The following KCNQ5 variants were observed in gnomAD, a reference collection of about 807,000 sequenced individuals.
KCNQ5 encodes potassium voltage-gated channel subfamily KQT member 5.
In KCNQ5, 30 loss-of-function variants were observed where a neutral mutation model predicts 98.2. The observed-to-expected ratio is 0.31, with a 90% CI of 0.23 to 0.41. The LOEUF is 0.41. KCNQ5 is among the 10% of genes least tolerant of loss of function. KCNQ5 has a pLI of 1.00. For synonymous variants in KCNQ5, 458 were observed against 449.4 expected (o/e 1.02, Z -0.24); for missense variants, 835 against 1,182.5 (o/e 0.71, Z 4.31).
chr6:72,825,095 G>A (rs1775931325), intron 1 of KCNQ5, among the ~76,000 whole-genome samples: 1 of 151,748 alleles, frequency 6.6e-6, no homozygotes, highest in Admixed American at 6.6e-5. Context: ...ACTGCCAGAT[G>A]ACTTTTGCTC....
chr6:72,961,398 A>T (rs1767342298), intron 1 of KCNQ5, among the ~76,000 whole-genome samples: 1 of 151,628 alleles, frequency 6.6e-6, no homozygotes, highest in Admixed American at 6.6e-5. Flanking sequence ...CGGGCGGATC[A>T]CGAGGTCAGG....
intron 1 of KCNQ5, among the ~76,000 whole-genome samples, chr6:72,785,067 G>A (rs1006045940): frequency 2.6e-5 from 4 of 152,162 alleles, no homozygotes; most frequent in South Asian, 2.1e-4. Context: ...AACCAAAAGC[G>A]ATTGACCAAC....
intron 12 of KCNQ5, among the ~76,000 whole-genome samples, chr6:73,191,487 T>A (rs1009406700): frequency 2.2e-4 from 33 of 152,324 alleles, no homozygotes; most frequent in Non-Finnish European, 4.4e-4. Context: ...AAATTCAGTT[T>A]TTTAAGAGCC....
chr6:72,761,620 A>G (rs1162796650), intron 1 of KCNQ5, among the ~76,000 whole-genome samples: 1 of 151,878 alleles, frequency 6.6e-6, no homozygotes, highest in East Asian at 1.9e-4. Flanking sequence ...TTCTATAATT[A>G]TGAAATAATA....
At chr6:73,002,115 G>A (rs1769605099) in intron 1 of KCNQ5, among the ~76,000 whole-genome samples, 1 of 152,096 alleles carries the variant, frequency 6.6e-6, no homozygotes, top group Non-Finnish European at 1.5e-5. Context: ...GGTCAACAGA[G>A]GAAGACCCTA....
chr6:73,131,675 G>T (rs948614725), intron 9 of KCNQ5, among the ~76,000 whole-genome samples: 6 of 152,024 alleles, frequency 3.9e-5, no homozygotes, highest in Non-Finnish European at 8.8e-5. Flanking sequence ...ATAATTGAAG[G>T]CTTTGGGATG....
chr6:73,141,895 T>C (rs531829150), intron 10 of KCNQ5, among the ~76,000 whole-genome samples: 13 of 152,338 alleles, frequency 8.5e-5, no homozygotes, highest in Admixed American at 7.2e-4. Flanking sequence ...ATACTTATAA[T>C]CTCACAGTTT....
intron 1 of KCNQ5, among the ~76,000 whole-genome samples, chr6:72,660,585 A>G (rs547279894): frequency 6.6e-6 from 1 of 152,136 alleles, no homozygotes; most frequent in Non-Finnish European, 1.5e-5. Context: ...CTTGACATTG[A>G]TGGTCCCAGC....
intron 1 of KCNQ5, among the ~76,000 whole-genome samples, chr6:72,821,207 T>G (rs995463772): frequency 6.6e-6 from 1 of 152,164 alleles, no homozygotes; most frequent in African/African-American, 2.4e-5. Context: ...TTTGGCCTAG[T>G]CACCCAACAT....
intron 1 of KCNQ5, among the ~76,000 whole-genome samples, chr6:72,898,005 A>G (rs1220201537): frequency 3.3e-5 from 5 of 152,242 alleles, no homozygotes; most frequent in African/African-American, 7.2e-5. Flanking sequence ...TATTTTGTTC[A>G]TCTTCCATGA....
intron 1 of KCNQ5, among the ~76,000 whole-genome samples, chr6:72,724,670 A>G (rs754677113): frequency 6.6e-6 from 1 of 152,196 alleles, no homozygotes; most frequent in Non-Finnish European, 1.5e-5. Context: ...TGAGAGATTT[A>G]TGCCCCTTGT....
At chr6:72,840,638 T>C (rs543467322) in intron 1 of KCNQ5, among the ~76,000 whole-genome samples, 110 of 152,342 alleles carry the variant, frequency 7.2e-4, no homozygotes, top group Non-Finnish European at 1.3e-3. Flanking sequence ...TTTTTCTGTA[T>C]TTTGACCAGT....
intron 3 of KCNQ5, among the ~76,000 whole-genome samples, chr6:73,074,643 A>G (rs1348564748): frequency 2.6e-5 from 4 of 152,150 alleles, no homozygotes; most frequent in Admixed American, 2.6e-4. Context: ...GTTTTTTTAA[A>G]AATGAATACA....
chr6:72,707,385 C>T (rs1304339618), intron 1 of KCNQ5, among the ~76,000 whole-genome samples: 1 of 152,122 alleles, frequency 6.6e-6, no homozygotes, highest in Non-Finnish European at 1.5e-5. Flanking sequence ...GTGTCCTCAC[C>T]TGCAGGCATT....
At chr6:73,051,164 T>C (rs905411942) in intron 3 of KCNQ5, among the ~76,000 whole-genome samples, 1 of 152,200 alleles carries the variant, frequency 6.6e-6, no homozygotes, top group Admixed American at 6.5e-5. Flanking sequence ...AATGCAAACA[T>C]GTGCATGGAG....
intron 1 of KCNQ5, among the ~76,000 whole-genome samples, chr6:72,701,199 G>C (rs942951698): frequency 6.6e-6 from 1 of 152,176 alleles, no homozygotes; most frequent in Non-Finnish European, 1.5e-5. Context: ...GTAAAAGGAT[G>C]TTTAATTAAA....
Position 73,077,339 on chromosome 6 carries a change from G to C in KCNQ5, c.634G>C (p.Ala212Pro). ...FCVIDTIVLI[A>P]SIAVVSAKTQ... ...TCTTTCAGATACCATTGTTCTTATCGCTTCAATAGCAGTTGTTTCTGCAAA... is the reference window on the plus strand; with the variant it reads ...TCTTTCAGATACCATTGTTCTTATCCCTTCAATAGCAGTTGTTTCTGCAAA... The change falls in exon 4 of 14, where the codon GCT becomes CCT. Residue 212 changes from alanine (A) to proline (P), a missense_variant. By Grantham distance (27) the Ala-to-Pro change is conservative. This residue lies in a region of KCNQ5 where 48 missense variants were observed against 112.1 expected (regional missense o/e 0.43). Coordinates refer to ENST00000370398, the MANE Select transcript of KCNQ5 (RefSeq NM_019842.4). 1 of 1,613,934 alleles carries C rather than the reference G, an allele frequency of 6.2e-7. No individual in the cohort carries two copies. Among genetic ancestry groups the C allele is most frequent in the East Asian group, 2.2e-5 (1 of 44,862 alleles).
chr6:73,083,969 A>G (rs976800170), intron 5 of KCNQ5, among the ~76,000 whole-genome samples: 6 of 152,226 alleles, frequency 3.9e-5, no homozygotes, highest in African/African-American at 1.4e-4. Context: ...TATCAAAAAT[A>G]TATTAGTACA....
chr6:73,179,048 C>G (rs545733075), intron 11 of KCNQ5, among the ~76,000 whole-genome samples: 1 of 152,178 alleles, frequency 6.6e-6, no homozygotes, highest in South Asian at 2.1e-4. Context: ...GAAGGATGAG[C>G]CTTGGGGTCC....
Sources: allele counts gnomAD v4.1 joint callset (sites outside exome capture counted in the v4.1 genomes callset), GRCh38; gene constraint gnomAD v4.1.1; regional missense constraint gnomAD v4.1.1; transcripts MANE v1.5; gene names NCBI Gene and HGNC (gene_info 2026-07-23, HGNC 2026-07-21).